Variants in GALM observed in about 807,000 individuals in gnomAD.
GALM encodes the protein aldose 1-epimerase.
In GALM, 43 loss-of-function variants were observed where a neutral mutation model predicts 37.4. The ratio of observed to expected loss-of-function variants is 1.15; its 90% CI spans 0.90 to 1.48. The LOEUF (loss-of-function observed/expected upper bound fraction) is 1.48, where lower values mean the gene tolerates loss of function less well. Among genes scored for constraint, GALM ranks in the 40% most tolerant of loss-of-function variants. The pLI is 0.00. For synonymous variants in GALM, 199 were observed against 170.6 expected (o/e 1.17, Z -1.30); for missense variants, 456 against 419.1 (o/e 1.09, Z -0.77).
chr2:38,732,785 T>C (rs1016558476), intron 6 of GALM, among the ~76,000 whole-genome samples: 2 of 151,874 alleles, frequency 1.3e-5, no homozygotes, highest in African/African-American at 2.4e-5. Context: ...CCAGGTGTGG[T>C]AGTGCACACC....
chr2:38,714,353 T>C (rs747853072), intron 4 of GALM, among the ~76,000 whole-genome samples: 14 of 152,112 alleles, frequency 9.2e-5, no homozygotes, highest in Non-Finnish European at 2.1e-4. Flanking sequence ...TAGCTGGGAC[T>C]ACAGGCGTGC....
intron 4 of GALM, among the ~76,000 whole-genome samples, chr2:38,692,255 A>C (rs971826277): frequency 3.3e-5 from 5 of 152,198 alleles, no homozygotes; most frequent in Non-Finnish European, 5.9e-5. Flanking sequence ...CTCTTTTCTC[A>C]GAAGTCCTTA....
At chr2:38,701,068 C>T (rs1665907500) in intron 4 of GALM, among the ~76,000 whole-genome samples, 1 of 152,218 alleles carries the variant, frequency 6.6e-6, no homozygotes, top group African/African-American at 2.4e-5. Flanking sequence ...GATTCTAGTT[C>T]CCTGCCCTGT....
intron 6 of GALM, among the ~76,000 whole-genome samples, chr2:38,732,196 A>G (rs185838456): frequency 1.3e-5 from 2 of 152,238 alleles, no homozygotes; most frequent in Admixed American, 6.5e-5. Flanking sequence ...AGCTAGGATT[A>G]CAGGCGCCTA....
intron 4 of GALM, among the ~76,000 whole-genome samples, chr2:38,700,463 A>G (rs1417702983): frequency 6.6e-6 from 1 of 151,162 alleles, no homozygotes; most frequent in Non-Finnish European, 1.5e-5. Context: ...TACTGAATTG[A>G]TCCCTTTATC....
chr2:38,687,182 C>T (rs55992390), intron 3 of GALM, among the ~76,000 whole-genome samples: 48,373 of 152,126 alleles, frequency 0.32, 7,914 homozygotes, highest in East Asian at 0.36. Flanking sequence ...GTGCTGGCAC[C>T]ACCCTGAGGC....
intron 4 of GALM, among the ~76,000 whole-genome samples, chr2:38,695,145 G>C (rs868772658): frequency 1.3e-5 from 2 of 151,808 alleles, no homozygotes; most frequent in African/African-American, 4.8e-5. Context: ...CAAACAGGCC[G>C]GGTGCAGTGT....
chr2:38,672,203 C>T (rs1425439773), intron 1 of GALM, among the ~76,000 whole-genome samples: 1 of 152,178 alleles, frequency 6.6e-6, no homozygotes, highest in South Asian at 2.1e-4. Flanking sequence ...CTCCAACACC[C>T]AGTGTGCCTC....
intron 1 of GALM, among the ~76,000 whole-genome samples, chr2:38,671,994 A>T (rs1044623120): frequency 2.0e-5 from 3 of 151,938 alleles, no homozygotes; most frequent in Non-Finnish European, 4.4e-5. Context: ...TCAAAAAAAC[A>T]AAAACAAAAA....
intron 4 of GALM, among the ~76,000 whole-genome samples, chr2:38,697,705 G>A (rs1200477199): frequency 2.6e-5 from 4 of 152,088 alleles, no homozygotes; most frequent in Non-Finnish European, 5.9e-5. Context: ...GAGGAGTGAC[G>A]TCCTGTCCTC....
At chr2:38,679,458 T>C (rs912724095) in intron 2 of GALM, among the ~76,000 whole-genome samples, 7 of 152,222 alleles carry the variant, frequency 4.6e-5, no homozygotes, top group African/African-American at 1.7e-4. Context: ...ATAATATTTG[T>C]TGAAGCCACA....
rs368742550 is a variant in GALM at position 38,689,810 on chromosome 2, C to G, written c.553-3C>G. The G allele has an allele frequency of 6.3e-7, 1 of 1,582,312 alleles. No homozygotes were observed. The highest frequency in any genetic ancestry group is 8.6e-7 in the Non-Finnish European group (1 of 1,156,858). Reference sequence around the variant, plus strand: ...AAACCTTTCCCCTACCTTTTCCTCCCAGGCTTCCCCAAATATAAATGACCA... The same window carrying G: ...AAACCTTTCCCCTACCTTTTCCTCCGAGGCTTCCCCAAATATAAATGACCA... On this transcript the variant is annotated splice_polypyrimidine_tract_variant and splice_region_variant and intron_variant, in intron 3 of 6. Coordinates refer to ENST00000272252, the MANE Select transcript of GALM (RefSeq NM_138801.3).
intron 4 of GALM, among the ~76,000 whole-genome samples, chr2:38,698,081 C>G (rs959784931): frequency 2.0e-5 from 3 of 151,972 alleles, no homozygotes; most frequent in Admixed American, 6.6e-5. Context: ...TTAGCTGGGA[C>G]TACAGGTGCG....
chr2:38,693,759 T>TA (rs1288233827), intron 4 of GALM, among the ~76,000 whole-genome samples: 2 of 152,182 alleles, frequency 1.3e-5, no homozygotes, highest in African/African-American at 4.8e-5. Flanking sequence ...AACAAGGAGT[T>TA]AAAGTACCTT....
In GALM at chr2:38,692,368, C is replaced by T. The variant is rs556854870; in HGVS notation, c.634+2474C>T. Among the ~76,000 whole-genome samples, 4 of 152,216 alleles carry T rather than the reference C, an allele frequency of 2.6e-5. No individual in the cohort carries two copies. In the South Asian group the frequency reaches 8.3e-4, roughly 32 times the overall value. On this transcript the variant is annotated intron_variant, in intron 4 of 6. Coordinates refer to ENST00000272252, the MANE Select transcript of GALM (RefSeq NM_138801.3). ...GAATGTAAGAATTCACATGTCTGGC[C>T]CACTTTCCACTGAGAACAAATCTCT... is the stretch of plus-strand genomic sequence containing the variant.
intron 4 of GALM, chr2:38,698,566 G>A (rs13413726): frequency 8.1e-6 from 3 of 372,464 alleles, no homozygotes; most frequent in Non-Finnish European, 1.5e-5. Flanking sequence ...CTGCTCCATA[G>A]GATGGGAGCA....
At chr2:38,687,716 A>G (rs1665571545) in intron 3 of GALM, among the ~76,000 whole-genome samples, 1 of 151,960 alleles carries the variant, frequency 6.6e-6, no homozygotes, top group Non-Finnish European at 1.5e-5. Context: ...GCCTCCGAAA[A>G]AAAAAAAAAG....
intron 4 of GALM, among the ~76,000 whole-genome samples, chr2:38,690,506 A>G (rs945653762): frequency 1.1e-4 from 17 of 152,014 alleles, no homozygotes; most frequent in Non-Finnish European, 2.1e-4. Context: ...GCACAATCTC[A>G]GCTCACTGCT....
Position 38,706,092 on chromosome 2 carries a change from G to A in GALM, c.634+16198G>A, listed in dbSNP as rs574522951. ...ACGATTTTGGCTCACTGCAACCTCC[G>A]CCTCCCAGGTTCAAGCGATTCTCCT... On this transcript the variant is annotated intron_variant, in intron 4 of 6. Coordinates refer to ENST00000272252, the MANE Select transcript of GALM (RefSeq NM_138801.3). 7.2e-5 allele frequency among the ~76,000 whole-genome samples: 11 copies of A among 151,930 alleles called. No homozygotes were observed. The South Asian group carries it at 2.3e-3, about 32-fold the overall frequency.
Sources: gnomAD v4.1 joint callset for allele counts (sites outside exome capture counted in the v4.1 genomes callset) on GRCh38, gnomAD v4.1.1 for gene constraint, MANE v1.5 for transcripts, NCBI Gene and HGNC (gene_info 2026-07-23, HGNC 2026-07-21) for gene names.